The following PRKRIP1 variants were observed in gnomAD, a reference collection of about 807,000 sequenced individuals.
PRKRIP1 encodes PRKR interacting protein 1.
PRKRIP1 carries 29 observed loss-of-function variants against 29.3 expected under a neutral mutation model. The ratio of observed to expected loss-of-function variants is 0.99; its 90% confidence interval spans 0.74 to 1.35. The LOEUF (loss-of-function observed/expected upper bound fraction) is 1.35, where lower values mean the gene tolerates loss of function less well. PRKRIP1 is among the 40% of genes most tolerant of loss of function. PRKRIP1 has a pLI of 0.00. For missense variants in PRKRIP1, 247 were observed against 236.8 expected (o/e 1.04, Z -0.28); for synonymous variants, 90 against 85.1 (o/e 1.06, Z -0.32).
intron 5 of PRKRIP1, among the ~76,000 whole-genome samples, chr7:102,412,103 G>A (rs1411107588): frequency 1.4e-4 from 22 of 151,870 alleles, no homozygotes; most frequent in Non-Finnish European, 2.5e-4. Context: ...GACTAGTCTC[G>A]AACTCCACCC....
intron 2 of PRKRIP1, among the ~76,000 whole-genome samples, chr7:102,398,052 G>GA (rs1295358064): frequency 2.1e-4 from 30 of 144,978 alleles, no homozygotes; most frequent in Admixed American, 4.1e-4. Flanking sequence ...GTCTCAAAAA[G>GA]AAAAAAAAAA....
intron 5 of PRKRIP1, among the ~76,000 whole-genome samples, chr7:102,415,226 T>C (rs1586689968): frequency 6.6e-6 from 1 of 152,174 alleles, no homozygotes; most frequent in Non-Finnish European, 1.5e-5. Context: ...CGCACCCACC[T>C]GTGTACAGCC....
chr7:102,396,572 G>T, intron 1 of PRKRIP1, 35 bp downstream of exon 1: 1 of 1,591,552 alleles, frequency 6.3e-7, no homozygotes, highest in South Asian at 1.1e-5. Context: ...GCCCGTCCGA[G>T]GCCCACCCCC....
At chr7:102,419,845 TTG>T (rs56752508) in intron 5 of PRKRIP1, among the ~76,000 whole-genome samples, 10,093 of 142,422 alleles carry the variant, frequency 0.071, 474 homozygotes, top group African/African-American at 0.15. Flanking sequence ...TTTTGTGTTT[TTG>T]TGTGTGTGTG....
intron 1 of PRKRIP1, 136 bp from the exon 2 acceptor site, chr7:102,397,484 T>C: frequency 1.5e-6 from 1 of 667,070 alleles, no homozygotes; most frequent in Non-Finnish European, 2.7e-6. Flanking sequence ...AGTTCAAGGC[T>C]GCAGTGAGCT....
chr7:102,410,101 T>G (rs1423891545), intron 5 of PRKRIP1, among the ~76,000 whole-genome samples: 1 of 152,130 alleles, frequency 6.6e-6, no homozygotes, highest in Admixed American at 6.6e-5. Context: ...TGTGTGTGTG[T>G]TGGAATGTGC....
intron 3 of PRKRIP1, among the ~76,000 whole-genome samples, 199 bp downstream of exon 3, chr7:102,399,847 T>C (rs1467956153): frequency 7.2e-5 from 11 of 152,058 alleles, no homozygotes; most frequent in African/African-American, 2.7e-4. Flanking sequence ...CTGTCTCTAC[T>C]AAAAATACAA....
chr7:102,400,242 G>A (rs1796028528), intron 3 of PRKRIP1, among the ~76,000 whole-genome samples: 2 of 151,994 alleles, frequency 1.3e-5, no homozygotes, highest in African/African-American at 4.8e-5. Flanking sequence ...CGTGGGAGGT[G>A]GAGGTTGCAG....
chr7:102,411,782 C>T (rs959016225), intron 5 of PRKRIP1, among the ~76,000 whole-genome samples: 2 of 149,298 alleles, frequency 1.3e-5, no homozygotes, highest in Non-Finnish European at 3.0e-5. Context: ...AATTTCTCCA[C>T]ATCCTCACCA....
At chr7:102,406,143 C>G (rs1796214525) in intron 4 of PRKRIP1, among the ~76,000 whole-genome samples, 1 of 152,178 alleles carries the variant, frequency 6.6e-6, no homozygotes, top group Non-Finnish European at 1.5e-5. Flanking sequence ...TCAGTGCTGG[C>G]TGCAGGCATT....
At chr7:102,398,345 C>T (rs1554570721) in intron 2 of PRKRIP1, among the ~76,000 whole-genome samples, 1 of 151,998 alleles carries the variant, frequency 6.6e-6, no homozygotes, top group Non-Finnish European at 1.5e-5. Context: ...AGTGCAGTGA[C>T]ACCATCTCGG....
At chr7:102,423,633 T>C (rs1796763423) in intron 5 of PRKRIP1, among the ~76,000 whole-genome samples, 1 of 152,106 alleles carries the variant, frequency 6.6e-6, no homozygotes, top group African/African-American at 2.4e-5. Context: ...TGTACAGACT[T>C]AGCACAGTGC....
intron 5 of PRKRIP1, among the ~76,000 whole-genome samples, chr7:102,421,658 G>A (rs781891237): frequency 2.6e-5 from 4 of 152,140 alleles, no homozygotes; most frequent in Admixed American, 6.6e-5. Context: ...TTAGCCGGGT[G>A]TAGTGTCACA....
At chr7:102,402,703 A>G (rs1554571321) in intron 3 of PRKRIP1, among the ~76,000 whole-genome samples, 1 of 152,124 alleles carries the variant, frequency 6.6e-6, no homozygotes, top group Admixed American at 6.6e-5. Context: ...TGAGATTTAA[A>G]AAAAAGGCAA....
chr7:102,402,713 A>T (rs960696154), intron 3 of PRKRIP1, among the ~76,000 whole-genome samples: 8 of 152,112 alleles, frequency 5.3e-5, no homozygotes, highest in Non-Finnish European at 1.0e-4. Flanking sequence ...AAAAAAGGCA[A>T]GCACGTCCTC....
chr7:102,418,043 CTTCTTCTTT>C (rs782714927), intron 5 of PRKRIP1, among the ~76,000 whole-genome samples: 2 of 141,948 alleles, frequency 1.4e-5, no homozygotes, highest in African/African-American at 2.6e-5. Flanking sequence ...TCTTCTTCTT[CTTCTTCTTT>C]TTTTTTTTTT....
intron 5 of PRKRIP1, among the ~76,000 whole-genome samples, chr7:102,420,751 A>T (rs1442365117): frequency 6.6e-6 from 1 of 152,186 alleles, no homozygotes; most frequent in Non-Finnish European, 1.5e-5. Context: ...AAATGCTGCA[A>T]GATTCAGAGC....
intron 2 of PRKRIP1, among the ~76,000 whole-genome samples, chr7:102,399,289 A>G (rs940015822): frequency 6.6e-6 from 1 of 152,234 alleles, no homozygotes; most frequent in Non-Finnish European, 1.5e-5. Flanking sequence ...TGAGAAAGTC[A>G]CTTAACCACA....
At chr7:102,413,008 T>C (rs947538984) in intron 5 of PRKRIP1, among the ~76,000 whole-genome samples, 10 of 152,134 alleles carry the variant, frequency 6.6e-5, no homozygotes, top group African/African-American at 2.2e-4. Context: ...ATCAAAGAAA[T>C]CCAGGGCGCC....
Sources: gnomAD v4.1 joint callset for allele counts (sites outside exome capture counted in the v4.1 genomes callset) on GRCh38, gnomAD v4.1.1 for gene constraint, MANE v1.5 for transcripts, NCBI Gene and HGNC (gene_info 2026-07-23, HGNC 2026-07-21) for gene names.